PLOD1: variants seen among roughly 807,000 people sequenced by gnomAD.
PLOD1 encodes the protein lysine hydroxylase.
PLOD1 carries 70 observed loss-of-function variants against 94.7 expected under a neutral mutation model. The observed-to-expected ratio is 0.74, with a 90% CI of 0.61 to 0.90. PLOD1 has a LOEUF of 0.90. Ranked by LOEUF, PLOD1 falls within the 40% of genes least tolerant of loss-of-function variation. The probability of loss-of-function intolerance (pLI) is 0.00; values close to 1 mark genes in which losing one functional copy is unlikely to be tolerated. For synonymous variants in PLOD1, 417 were observed against 400.2 expected (o/e 1.04, Z -0.50); for missense variants, 905 against 972.7 (o/e 0.93, Z 0.93).
At chr1:11,969,507 C>G (rs954496767) in intron 16 of PLOD1, among the ~76,000 whole-genome samples, 1 of 152,176 alleles carries the variant, frequency 6.6e-6, no homozygotes. Context: ...CTGGCTGATG[C>G]TTGTGCTCCA....
intron 1 of PLOD1, among the ~76,000 whole-genome samples, chr1:11,937,222 C>T (rs759427033): frequency 3.3e-5 from 5 of 152,200 alleles, no homozygotes; most frequent in South Asian, 4.1e-4. Context: ...GTGGTAAAGC[C>T]GGCGGTGCTT....
intron 5 of PLOD1, chr1:11,954,184 TAGC>T: frequency 7.9e-6 from 1 of 126,004 alleles, no homozygotes; most frequent in Non-Finnish European, 1.7e-5. Context: ...ATATTTGGAG[TAGC>T]GGCCAGGTGC....
rs1386269275 is a variant in PLOD1, at chr1:11,957,251, C to T, written c.741+237C>T. The T allele has an allele frequency of 1.4e-6, 1 of 719,050 alleles. No homozygotes were observed. The highest frequency in any genetic ancestry group is 2.6e-6 in the Non-Finnish European group (1 of 382,360). The allele number at this position is 719,050 out of a possible 1,614,324, so 44.5% of individuals were successfully genotyped here. On this transcript the variant is annotated intron_variant, in intron 7 of 18. Transcript: ENST00000196061. The surrounding 1 kb of genome is among the most constrained non-coding windows in gnomAD (Gnocchi z 4.1). ...CAGGACACGTAGGAGGCTGCCATCC[C>T]CTTCCAGGCCTAGGCTGGGCTACCA...
intron 1 of PLOD1, chr1:11,944,432 C>CACACACACAT: frequency 1.3e-6 from 1 of 741,144 alleles, no homozygotes; most frequent in Non-Finnish European, 2.0e-6. Context: ...TACACACACA[C>CACACACACAT]ACACACACAC....
intron 1 of PLOD1, among the ~76,000 whole-genome samples, chr1:11,946,450 G>A (rs900996079): frequency 1.3e-5 from 2 of 152,168 alleles, no homozygotes; most frequent in African/African-American, 4.8e-5. Flanking sequence ...ACTCTGGGCC[G>A]ACTCATTGGT....
In PLOD1 at chr1:11,970,776, C is replaced by T. The variant is rs774249367; in HGVS notation, c.1862C>T (p.Ala621Val). 19 of 1,610,278 alleles carry T rather than the reference C, an allele frequency of 1.2e-5. No homozygotes were observed. The highest frequency in any genetic ancestry group is 1.5e-5 in the Non-Finnish European group (18 of 1,179,468). The stretch of plus-strand genomic sequence containing the variant: ...CACAAATTCCTGCTGGAGTACATTG[C>T]GCCCATGACGGAGAAGCTCTACCCC... Reference protein sequence around the residue: ...EWHKFLLEYIAPMTEKLYPGY... With the variant: ...EWHKFLLEYIVPMTEKLYPGY... The change falls in exon 17 of 19, where the codon GCG becomes GTG. Residue 621 changes from alanine to valine, a missense_variant. Transcript: ENST00000196061.
chr1:11,938,463 C>T (rs371771653), intron 1 of PLOD1, among the ~76,000 whole-genome samples: 4 of 148,006 alleles, frequency 2.7e-5, no homozygotes, highest in Middle Eastern at 7.2e-3. Context: ...CTGCTCAGCT[C>T]CCCCAGACCC....
At chr1:11,967,601 A>G (rs866219562) in intron 16 of PLOD1, among the ~76,000 whole-genome samples, 3 of 119,984 alleles carry the variant, frequency 2.5e-5, no homozygotes, top group South Asian at 3.1e-4. Flanking sequence ...GTGTGTGTAT[A>G]TATATATATA....
chr1:11,963,000 C>T (rs941296793), intron 10 of PLOD1, among the ~76,000 whole-genome samples: 1 of 151,800 alleles, frequency 6.6e-6, no homozygotes, highest in Non-Finnish European at 1.5e-5. Context: ...GAGATTGTGC[C>T]ATTGCATTCC....
rs886045210 is a variant in PLOD1 at position 11,974,925 on chromosome 1, A to G, written c.*117A>G. 1.0e-6 allele frequency: 1 copy of G among 968,184 alleles called. No homozygotes were observed. The highest frequency in any genetic ancestry group is 1.7e-5 in the Admixed American group (1 of 58,364). 60.0% of individuals were successfully genotyped at this position (968,184 alleles called of 1,614,324 possible). A position where few individuals can be genotyped will look rare whatever the true frequency, so the allele number is the denominator to read the frequency against. On this transcript the variant is annotated 3_prime_UTR_variant, in exon 19 of 19. Coordinates refer to ENST00000196061, the MANE Select transcript of PLOD1 (RefSeq NM_000302.4). ...CCAGCCTCCTGGCTGTTGACTTCCC[A>G]TTGCTCTTGGAGCCACCAATCAAAG...
At chr1:11,944,617 TC>T (rs778889842) in intron 1 of PLOD1, 2 of 1,364,830 alleles carry the variant, frequency 1.5e-6, no homozygotes, top group African/African-American at 1.5e-5. Flanking sequence ...GGGGAGCCCT[TC>T]CCCAAGTGTG....
intron 16 of PLOD1, among the ~76,000 whole-genome samples, chr1:11,969,669 T>C (rs936215832): frequency 1.3e-5 from 2 of 152,166 alleles, no homozygotes; most frequent in South Asian, 2.1e-4. Flanking sequence ...AGCTGGGTCA[T>C]TGAGGTGTCA....
chr1:11,950,368 TG>T lies in PLOD1; in HGVS notation c.315del (p.Phe106LeufsTer9). The T allele has an allele frequency of 6.2e-7, 1 of 1,614,114 alleles. No homozygotes were observed. The highest frequency in any genetic ancestry group is 1.3e-5 in the African/African-American group (1 of 75,070). On this transcript the variant is annotated frameshift_variant, in exon 4 of 19. Transcript: ENST00000196061. LOFTEE classifies it high-confidence loss of function. Reference sequence around the variant, plus strand: ...TGCTCTGGCCACAGCTATGACGTGCTGTTTGCATCGGGGCCCCGGGAGCTCC... The same window carrying T: ...TGCTCTGGCCACAGCTATGACGTGCTTTTGCATCGGGGCCCCGGGAGCTCC... ...VILFADSYDV[L>X]FASGPRELLK... is the part of the protein sequence containing the mutation.
rs374579979 is a variant in PLOD1, at chr1:11,960,420, TAGG to T, written c.976-222_976-220del. Among the ~76,000 whole-genome samples, 90 of 152,208 alleles carry T rather than the reference TAGG, an allele frequency of 5.9e-4. 1 individual carries two copies. In the East Asian group the frequency reaches 0.014, roughly 24 times the overall value. Reference sequence around the variant, plus strand: ...GCTCTATCCTGATGACAGAGGCTCTTAGGAGGCCTGACCTGGTCAGAGGAGAAT... The same window carrying T: ...GCTCTATCCTGATGACAGAGGCTCTTAGGCCTGACCTGGTCAGAGGAGAAT... On this transcript the variant is annotated intron_variant, in intron 9 of 18. Coordinates refer to ENST00000196061, the MANE Select transcript of PLOD1 (RefSeq NM_000302.4).
intron 6 of PLOD1, among the ~76,000 whole-genome samples, chr1:11,956,126 G>A (rs1645736001): frequency 6.7e-6 from 1 of 149,872 alleles, no homozygotes; most frequent in South Asian, 2.2e-4. Context: ...GCCAGGCACT[G>A]TAATCCCAGC....
chr1:11,944,767 C>A, intron 1 of PLOD1: 2 of 868,382 alleles, frequency 2.3e-6, no homozygotes, highest in Non-Finnish European at 3.1e-6. Flanking sequence ...CTGGCGCCAG[C>A]CCTCTGCCCT....
chr1:11,963,328 G>A lies in PLOD1; in HGVS notation c.1098-204G>A, dbSNP rs1016140182. On this transcript the variant is annotated intron_variant, in intron 10 of 18. Coordinates refer to ENST00000196061, the MANE Select transcript of PLOD1 (RefSeq NM_000302.4). This position sits in a 1 kb window ranked among gnomAD's most constrained non-coding sequence, Gnocchi z 4.3. ...ATTTTCAGGGCACTTGATACCAGTT[G>A]CCAACCTCTGGGCCTTGGGTGAGAG... Among the ~76,000 whole-genome samples the A allele has an allele frequency of 1.3e-5, 2 of 152,224 alleles. No individual in the cohort carries two copies. Among genetic ancestry groups the A allele is most frequent in the African/African-American group, 4.8e-5 (2 of 41,446 alleles).
intron 1 of PLOD1, among the ~76,000 whole-genome samples, 163 bp downstream of exon 1, chr1:11,935,018 C>G (rs1289899818): frequency 6.6e-6 from 1 of 152,226 alleles, no homozygotes; most frequent in African/African-American, 2.4e-5. Context: ...CAAATCACTT[C>G]CCCTCTTGGG....
Position 11,960,701 on chromosome 1 carries a change from A to G in PLOD1, c.1031A>G (p.Tyr344Cys), listed in dbSNP as rs200166434. The change falls in exon 10 of 19, where the codon TAC becomes TGC. Residue 344 changes from tyrosine (Y) to cysteine (C), a missense_variant. Coordinates refer to ENST00000196061, the MANE Select transcript of PLOD1 (RefSeq NM_000302.4). ...EEFLAQHGSE[Y>C]QSVKLVGPEV... The stretch of plus-strand genomic sequence containing the variant: ...TTCCTGGCACAGCATGGCAGCGAGT[A>G]CCAGTCTGTGAAGCTGGTGGGCCCT... 6.2e-7 allele frequency: 1 copy of G among 1,613,526 alleles called. No individual in the cohort carries two copies. Among genetic ancestry groups the G allele is most frequent in the East Asian group, 2.2e-5 (1 of 44,884 alleles).
Sources: allele counts gnomAD v4.1 joint callset (sites outside exome capture counted in the v4.1 genomes callset), GRCh38; gene constraint gnomAD v4.1.1; non-coding constraint Gnocchi (gnomAD v3.1); transcripts MANE v1.5; gene names NCBI Gene and HGNC (gene_info 2026-07-23, HGNC 2026-07-21).